RARB: variants seen among roughly 807,000 people sequenced by gnomAD.
RARB encodes retinoic acid receptor beta.
In RARB, 17 loss-of-function variants were observed where a neutral mutation model predicts 51.9. The observed-to-expected ratio is 0.33, with a 90% CI of 0.22 to 0.49. The LOEUF (loss-of-function observed/expected upper bound fraction) is 0.49, where lower values mean the gene tolerates loss of function less well. Ranked by LOEUF, RARB falls within the 20% of genes least tolerant of loss-of-function variation. RARB has a pLI of 0.99. For synonymous variants in RARB, 215 were observed against 195.4 expected (o/e 1.10, Z -0.84); for missense variants, 369 against 550.8 (o/e 0.67, Z 3.30).
intron 5 of RARB, among the ~76,000 whole-genome samples, chr3:25,293,095 C>T (rs181011519): frequency 1.3e-5 from 2 of 152,098 alleles, no homozygotes; most frequent in African/African-American, 4.8e-5. Context: ...TTATTCACAG[C>T]CTGGCTGTGC....
chr3:25,403,645 A>T (rs933101719), intron 5 of RARB, among the ~76,000 whole-genome samples: 1 of 152,090 alleles, frequency 6.6e-6, no homozygotes, highest in African/African-American at 2.4e-5. Context: ...CTGCGATATT[A>T]TTTTTTAATA....
intron 5 of RARB, among the ~76,000 whole-genome samples, chr3:25,374,754 T>C (rs2125474586): frequency 6.6e-6 from 1 of 152,268 alleles, no homozygotes; most frequent in Non-Finnish European, 1.5e-5. Flanking sequence ...CCCTCTGACA[T>C]GAGTGGATTC....
intron 5 of RARB, among the ~76,000 whole-genome samples, chr3:25,266,275 C>G (rs1184674914): frequency 6.6e-6 from 1 of 151,946 alleles, no homozygotes; most frequent in East Asian, 1.9e-4. Flanking sequence ...GGGGTTCTAG[C>G]CCTTCGGAAT....
intron 5 of RARB, among the ~76,000 whole-genome samples, chr3:25,315,372 A>G (rs1704395851): frequency 6.6e-6 from 1 of 152,144 alleles, no homozygotes; most frequent in South Asian, 2.1e-4. Flanking sequence ...TTAAAATACT[A>G]TACTTTTTCG....
intron 1 of RARB, among the ~76,000 whole-genome samples, chr3:25,454,035 A>C (rs1694758777): frequency 6.6e-6 from 1 of 152,260 alleles, no homozygotes; most frequent in Non-Finnish European, 1.5e-5. Flanking sequence ...TTCTCCTGAA[A>C]GATGATTAAA....
intron 1 of RARB, among the ~76,000 whole-genome samples, chr3:24,839,748 T>G: frequency 6.8e-6 from 1 of 146,976 alleles, no homozygotes; most frequent in Non-Finnish European, 1.5e-5. Context: ...AGAAACAGTT[T>G]GGGTAATTGA....
At chr3:25,422,910 C>G (rs538086010) in intron 5 of RARB, among the ~76,000 whole-genome samples, 1 of 152,114 alleles carries the variant, frequency 6.6e-6, no homozygotes, top group South Asian at 2.1e-4. Context: ...GGACAAACTA[C>G]AGCCCATGAG....
intron 5 of RARB, among the ~76,000 whole-genome samples, chr3:25,371,642 C>A (rs1488140255): frequency 2.0e-5 from 3 of 152,178 alleles, no homozygotes; most frequent in African/African-American, 7.2e-5. Flanking sequence ...AAACGCTCGC[C>A]CTGGGGCAAA....
chr3:25,170,270 C>G (rs1700622547), intron 4 of RARB, among the ~76,000 whole-genome samples: 2 of 152,150 alleles, frequency 1.3e-5, no homozygotes, highest in Admixed American at 1.3e-4. Context: ...GTGACAGAGA[C>G]TGTATGAACC....
intron 2 of RARB, among the ~76,000 whole-genome samples, chr3:24,966,530 C>T (rs187627040): frequency 6.6e-6 from 1 of 152,174 alleles, no homozygotes; most frequent in Non-Finnish European, 1.5e-5. Context: ...TCTTAGCACA[C>T]TCCTTCGTCT....
At chr3:25,201,335 G>C (rs1701384516) in intron 5 of RARB, among the ~76,000 whole-genome samples, 1 of 152,162 alleles carries the variant, frequency 6.6e-6, no homozygotes, top group Non-Finnish European at 1.5e-5. Context: ...TTTGGGCTGA[G>C]ACGATGGGGT....
At chr3:25,460,949 C>A (rs1291177050) in intron 1 of RARB, among the ~76,000 whole-genome samples, 3 of 152,140 alleles carry the variant, frequency 2.0e-5, no homozygotes, top group Non-Finnish European at 4.4e-5. Context: ...ATGGCCCTCA[C>A]AGTTCTGTGT....
intron 3 of RARB, among the ~76,000 whole-genome samples, chr3:25,507,898 T>C (rs1153586): frequency 0.92 from 140,705 of 152,188 alleles, 65,169 homozygotes; most frequent in African/African-American, 0.98. Flanking sequence ...TGGGTGCCCC[T>C]ACCCTGTGTC....
intron 2 of RARB, among the ~76,000 whole-genome samples, chr3:24,967,637 C>A (rs747126548): frequency 6.6e-6 from 1 of 152,012 alleles, no homozygotes; most frequent in Non-Finnish European, 1.5e-5. Context: ...GCTCTGCAGT[C>A]GTGTAATTAA....
chr3:25,410,521 G>C (rs181866633), intron 5 of RARB, among the ~76,000 whole-genome samples: 22 of 152,272 alleles, frequency 1.4e-4, no homozygotes, highest in African/African-American at 4.3e-4. Flanking sequence ...TGAGCCTAGT[G>C]ACATCTGTGT....
At chr3:25,356,671 C>A (rs1355503851) in intron 5 of RARB, among the ~76,000 whole-genome samples, 2 of 152,100 alleles carry the variant, frequency 1.3e-5, no homozygotes, top group African/African-American at 2.4e-5. Flanking sequence ...CCTTGCCCCC[C>A]ATTCCCTGAC....
At chr3:25,140,136 G>A (rs1700086979) in intron 4 of RARB, among the ~76,000 whole-genome samples, 1 of 151,866 alleles carries the variant, frequency 6.6e-6, no homozygotes, top group African/African-American at 2.4e-5. Flanking sequence ...CTATTCTGTA[G>A]CCCATGAATC....
At chr3:24,955,713 G>A (rs912984995) in intron 2 of RARB, among the ~76,000 whole-genome samples, 1 of 152,066 alleles carries the variant, frequency 6.6e-6, no homozygotes, top group African/African-American at 2.4e-5. Flanking sequence ...AAGGGAGCTG[G>A]GGATGTTAAC....
chr3:25,090,731 C>T (rs1266317269), intron 3 of RARB, among the ~76,000 whole-genome samples: 1 of 152,112 alleles, frequency 6.6e-6, no homozygotes, highest in African/African-American at 2.4e-5. Context: ...TGCTCTCCCT[C>T]AAACAAAGTC....
Sources: allele counts gnomAD v4.1 joint callset (sites outside exome capture counted in the v4.1 genomes callset), GRCh38; gene constraint gnomAD v4.1.1; transcripts MANE v1.5; gene names NCBI Gene and HGNC (gene_info 2026-07-23, HGNC 2026-07-21).